The following HDAC8 variants were observed in gnomAD, a reference collection of about 807,000 sequenced individuals.
HDAC8 encodes histone deacetylase 8.
HDAC8 carries 1 observed loss-of-function variant against 32.2 expected under a neutral mutation model. That is an observed-to-expected ratio of 0.03 (90% CI 0.01 to 0.15). The LOEUF (loss-of-function observed/expected upper bound fraction) is 0.15, where lower values mean the gene tolerates loss of function less well. Ranked by LOEUF, HDAC8 falls within the 10% of genes least tolerant of loss-of-function variation. The pLI, the probability that HDAC8 is intolerant of heterozygous loss-of-function variation, is 1.00. For synonymous variants in HDAC8, 108 were observed against 113.9 expected (o/e 0.95, Z 0.33); for missense variants, 117 against 300.0 (o/e 0.39, Z 4.51).
At chrX:72,498,786 A>G (rs1266517106) in intron 4 of HDAC8, among the ~76,000 whole-genome samples, 1 of 111,871 alleles carries the variant, frequency 8.9e-6, no homozygotes, top group Admixed American at 9.5e-5. Flanking sequence ...AATTACATAT[A>G]ATACCCTCTC....
intron 9 of HDAC8, among the ~76,000 whole-genome samples, chrX:72,408,052 T>C (rs782150008): frequency 4.6e-4 from 52 of 112,260 alleles, no homozygotes; most frequent in African/African-American, 1.6e-3. Flanking sequence ...TATAAATATA[T>C]ACTGAGTGTT....
chrX:72,422,837 G>C (rs1222850327), intron 9 of HDAC8, among the ~76,000 whole-genome samples: 1 of 110,802 alleles, frequency 9.0e-6, no homozygotes, highest in Non-Finnish European at 1.9e-5. Flanking sequence ...CCCTCTGACA[G>C]GTTAGAGCAG....
chrX:72,539,149 A>G (rs2050620016), intron 4 of HDAC8, among the ~76,000 whole-genome samples: 1 of 112,359 alleles, frequency 8.9e-6, no homozygotes, highest in South Asian at 3.7e-4. Flanking sequence ...TTTCATACTC[A>G]TGTAAGATGT....
chrX:72,559,649 C>A (rs1279818300), intron 4 of HDAC8, among the ~76,000 whole-genome samples: 3 of 106,475 alleles, frequency 2.8e-5, no homozygotes, highest in Non-Finnish European at 5.9e-5. Context: ...GGCCGCCCAT[C>A]GTCTGAGATG....
chrX:72,411,901 C>G (rs1194179215), intron 9 of HDAC8, among the ~76,000 whole-genome samples: 2 of 111,763 alleles, frequency 1.8e-5, no homozygotes, highest in Non-Finnish European at 3.8e-5. Context: ...ATGCTAGGCT[C>G]TATGCTGGGC....
At chrX:72,446,760 C>G (rs1393200170) in intron 9 of HDAC8, among the ~76,000 whole-genome samples, 2 of 110,912 alleles carry the variant, frequency 1.8e-5, no homozygotes, top group African/African-American at 6.6e-5. Context: ...GGGGATATCA[C>G]CACTGATCCC....
intron 9 of HDAC8, among the ~76,000 whole-genome samples, chrX:72,434,542 A>G (rs1051130133): frequency 4.5e-5 from 5 of 110,990 alleles, no homozygotes; most frequent in African/African-American, 1.6e-4. Context: ...ATATTTTTCA[A>G]TGTTTTGTTC....
intron 9 of HDAC8, among the ~76,000 whole-genome samples, chrX:72,432,028 C>T (rs981220625): frequency 5.4e-5 from 6 of 111,404 alleles, no homozygotes; most frequent in Non-Finnish European, 7.5e-5. Flanking sequence ...TGGAGTGCAG[C>T]GGCATGATCA....
At chrX:72,470,021 A>C (rs2048122281) in intron 7 of HDAC8, among the ~76,000 whole-genome samples, 1 of 109,731 alleles carries the variant, frequency 9.1e-6, no homozygotes, top group African/African-American at 3.3e-5. Context: ...GGTGGTGGGC[A>C]CCTGTAATCC....
intron 4 of HDAC8, among the ~76,000 whole-genome samples, chrX:72,560,762 G>A (rs2051529621): frequency 9.2e-6 from 1 of 108,133 alleles, no homozygotes; most frequent in African/African-American, 3.4e-5. Context: ...ATGGCCCGAA[G>A]GTGAACTTTT....
intron 4 of HDAC8, among the ~76,000 whole-genome samples, chrX:72,549,303 T>TCC (rs202155127): frequency 4.6e-5 from 5 of 108,029 alleles, no homozygotes; most frequent in African/African-American, 1.7e-4. Context: ...ATTTGTTTGT[T>TCC]CCCCCCCCGC....
intron 2 of HDAC8, among the ~76,000 whole-genome samples, chrX:72,569,767 G>A (rs1307995787): frequency 3.6e-5 from 4 of 111,937 alleles, no homozygotes; most frequent in Non-Finnish European, 7.5e-5. Flanking sequence ...CCCCACAGCT[G>A]CCACTACTGT....
chrX:72,542,201 A>G (rs189999727), intron 4 of HDAC8, among the ~76,000 whole-genome samples: 1 of 112,529 alleles, frequency 8.9e-6, no homozygotes, highest in Non-Finnish European at 1.9e-5. Context: ...GTCACTGAGC[A>G]TAACAGTCTG....
intron 9 of HDAC8, among the ~76,000 whole-genome samples, chrX:72,388,022 A>C (rs1643150701): frequency 9.0e-6 from 1 of 110,694 alleles, no homozygotes; most frequent in African/African-American, 3.3e-5. Context: ...GTAGGACTTC[A>C]TCCAGCAGGC....
chrX:72,566,849 A>C (rs1391754633), intron 4 of HDAC8, among the ~76,000 whole-genome samples: 3 of 112,357 alleles, frequency 2.7e-5, no homozygotes, highest in African/African-American at 9.7e-5. Context: ...ATGTTAACAT[A>C]AAACTCTAGA....
intron 9 of HDAC8, among the ~76,000 whole-genome samples, chrX:72,358,368 A>G (rs192994208): frequency 4.5e-5 from 5 of 111,786 alleles, no homozygotes; most frequent in African/African-American, 1.6e-4. Flanking sequence ...TGCCTGCATC[A>G]CTACTCTTGT....
At chrX:72,519,309 G>T (rs1305184062) in intron 4 of HDAC8, among the ~76,000 whole-genome samples, 3 of 111,848 alleles carry the variant, frequency 2.7e-5, no homozygotes, top group African/African-American at 6.5e-5. Context: ...TTTTCACTGG[G>T]TAGATACCTA....
At chrX:72,333,449 G>A (rs1555941295) in intron 10 of HDAC8, among the ~76,000 whole-genome samples, 1 of 111,961 alleles carries the variant, frequency 8.9e-6, no homozygotes, top group Non-Finnish European at 1.9e-5. Flanking sequence ...AGCGCTCTGG[G>A]AGGCTGAGGT....
intron 9 of HDAC8, among the ~76,000 whole-genome samples, chrX:72,457,541 G>A (rs894329456): frequency 1.8e-5 from 2 of 112,167 alleles, no homozygotes; most frequent in African/African-American, 3.2e-5. Flanking sequence ...AAAGTCAATT[G>A]TCCTTCAATA....
Sources: allele counts gnomAD v4.1 joint callset (sites outside exome capture counted in the v4.1 genomes callset), GRCh38; gene constraint gnomAD v4.1.1; transcripts MANE v1.5; gene names NCBI Gene and HGNC (gene_info 2026-07-23, HGNC 2026-07-21).